The following ATP10B variants were observed in gnomAD, a reference collection of about 807,000 sequenced individuals.
ATP10B encodes the protein phospholipid-transporting ATPase VB.
In ATP10B, 122 loss-of-function variants were observed where a neutral mutation model predicts 141.2. The ratio of observed to expected loss-of-function variants is 0.86; its 90% CI spans 0.75 to 1.00. ATP10B has a LOEUF of 1.00. Ranked by LOEUF, ATP10B falls within the 50% of genes least tolerant of loss-of-function variation. The pLI is 0.00. For missense variants in ATP10B, 1,876 were observed against 1,825.3 expected, an observed-to-expected ratio of 1.03 and a Z score of -0.51; for synonymous variants, 685 against 692.0, an observed-to-expected ratio of 0.99 and a Z score of 0.16.
intron 1 of ATP10B, among the ~76,000 whole-genome samples, chr5:160,815,819 A>T (rs1441443008): frequency 2.6e-5 from 4 of 152,246 alleles, no homozygotes; most frequent in Non-Finnish European, 5.9e-5. Flanking sequence ...TGTCTCTCAG[A>T]CCACAGTGCA....
chr5:160,812,237 G>C (rs1361125081), intron 1 of ATP10B, among the ~76,000 whole-genome samples: 1 of 152,140 alleles, frequency 6.6e-6, no homozygotes, highest in Non-Finnish European at 1.5e-5. Context: ...TGCAGATACA[G>C]TTAGATCACA....
chr5:160,649,730 T>C (rs1043272747), intron 7 of ATP10B, among the ~76,000 whole-genome samples: 1 of 152,132 alleles, frequency 6.6e-6, no homozygotes, highest in South Asian at 2.1e-4. Flanking sequence ...ACCACAGAAA[T>C]AGATAATTAA....
intron 2 of ATP10B, among the ~76,000 whole-genome samples, chr5:160,728,669 T>C (rs981285642): frequency 3.3e-5 from 5 of 152,096 alleles, no homozygotes; most frequent in Non-Finnish European, 5.9e-5. Context: ...GTTCTGTGAG[T>C]CCTGATAGTG....
chr5:160,821,650 A>G (rs1057476878), intron 1 of ATP10B, among the ~76,000 whole-genome samples: 3 of 152,128 alleles, frequency 2.0e-5, no homozygotes, highest in African/African-American at 7.2e-5. Flanking sequence ...GTACCGGCAT[A>G]AAAACAGACA....
chr5:160,844,330 G>A (rs1724939959), intron 1 of ATP10B, among the ~76,000 whole-genome samples: 1 of 152,104 alleles, frequency 6.6e-6, no homozygotes, highest in South Asian at 2.1e-4. Flanking sequence ...ATGTACGTAA[G>A]TTGTGGTGTA....
intron 1 of ATP10B, among the ~76,000 whole-genome samples, chr5:160,800,776 T>G (rs1772323881): frequency 6.6e-6 from 1 of 152,230 alleles, no homozygotes; most frequent in Non-Finnish European, 1.5e-5. Flanking sequence ...GAGCAGAAAG[T>G]ATTTTCTAGC....
chr5:160,766,648 G>T (rs1401469014), intron 2 of ATP10B, among the ~76,000 whole-genome samples: 1 of 152,138 alleles, frequency 6.6e-6, no homozygotes, highest in African/African-American at 2.4e-5. Context: ...AGTGTACACT[G>T]CTCGGGTGAT....
chr5:160,636,047 A>G, intron 11 of ATP10B, 135 bp downstream of exon 11: 1 of 1,045,954 alleles, frequency 9.6e-7, no homozygotes, highest in Non-Finnish European at 1.3e-6. Flanking sequence ...ACGCACAAGA[A>G]AGCGATGACC....
intron 1 of ATP10B, among the ~76,000 whole-genome samples, chr5:160,797,633 T>C (rs1387545367): frequency 1.3e-5 from 2 of 152,198 alleles, no homozygotes; most frequent in South Asian, 2.1e-4. Flanking sequence ...ATTCATTTAG[T>C]AGAGGGACTG....
At chr5:160,569,470 A>C (rs749768097) in intron 25 of ATP10B, 26 bp downstream of exon 25, 1 of 1,611,882 alleles carries the variant, frequency 6.2e-7, no homozygotes, top group Non-Finnish European at 8.5e-7. Context: ...AATTTTAGGA[A>C]AGAAACACAG....
chr5:160,602,170 A>G (rs6881389), intron 21 of ATP10B, among the ~76,000 whole-genome samples: 111,088 of 152,172 alleles, frequency 0.73, 41,196 homozygotes, highest in East Asian at 0.84. Context: ...CACTTTATAT[A>G]CAAATTCTCA....
intron 20 of ATP10B, chr5:160,602,988 T>C: frequency 3.3e-6 from 1 of 300,258 alleles, no homozygotes; most frequent in South Asian, 4.0e-5. Flanking sequence ...CCAGTAAGTG[T>C]CAGGCACCGT....
intron 24 of ATP10B, among the ~76,000 whole-genome samples, chr5:160,583,046 T>C (rs940011287): frequency 1.3e-5 from 2 of 152,154 alleles, no homozygotes; most frequent in Non-Finnish European, 2.9e-5. Context: ...CTTGGAGGTG[T>C]TTGTTATTAC....
chr5:160,850,991 G>T (rs1190204010), intron 1 of ATP10B, among the ~76,000 whole-genome samples: 1 of 152,184 alleles, frequency 6.6e-6, no homozygotes, highest in East Asian at 1.9e-4. Context: ...GTAACTGTAT[G>T]TCTGTTAATG....
intron 22 of ATP10B, among the ~76,000 whole-genome samples, chr5:160,592,850 C>A (rs866876302): frequency 6.6e-6 from 1 of 152,324 alleles, no homozygotes; most frequent in African/African-American, 2.4e-5. Context: ...AAGGCAGCAG[C>A]GAGGCTGGGG....
chr5:160,624,897 A>G (rs1758533927), intron 13 of ATP10B, among the ~76,000 whole-genome samples: 1 of 152,154 alleles, frequency 6.6e-6, no homozygotes. Flanking sequence ...TTTCTCTGCA[A>G]ACTTCTAAAA....
At chr5:160,604,115 C>T (rs1757247610) in intron 19 of ATP10B, 74 bp from the exon 20 acceptor site, 2 of 1,065,754 alleles carry the variant, frequency 1.9e-6, no homozygotes, top group East Asian at 4.7e-5. Flanking sequence ...TCTAAAGTGT[C>T]CCCAGTTACA....
the ATP10B span, among the ~76,000 whole-genome samples, chr5:160,873,003 G>C: frequency 6.6e-6 from 1 of 152,152 alleles, no homozygotes. Context: ...ACCCATCCAT[G>C]AGCACGAGAT....
intron 2 of ATP10B, among the ~76,000 whole-genome samples, chr5:160,737,381 A>G (rs1161818995): frequency 2.0e-5 from 3 of 152,220 alleles, no homozygotes; most frequent in Non-Finnish European, 4.4e-5. Context: ...GTTATTCAAC[A>G]CAGTCCTGGA....
Sources: gnomAD v4.1 joint callset for allele counts (sites outside exome capture counted in the v4.1 genomes callset) on GRCh38, gnomAD v4.1.1 for gene constraint, MANE v1.5 for transcripts, NCBI Gene and HGNC (gene_info 2026-07-23, HGNC 2026-07-21) for gene names.